Variants in PARVG observed in about 807,000 individuals in gnomAD.
The protein encoded by PARVG is parvin gamma.
PARVG carries 36 observed loss-of-function variants against 44.4 expected under a neutral mutation model. The observed-to-expected ratio is 0.81, with a 90% CI of 0.62 to 1.07. The LOEUF (loss-of-function observed/expected upper bound fraction) is 1.07. PARVG is among the 50% of genes least tolerant of loss of function. The pLI, the probability that PARVG is intolerant of heterozygous loss-of-function variation, is 0.00. For missense variants in PARVG, 407 were observed against 407.4 expected, an observed-to-expected ratio of 1.00 and a Z score of 0.01; for synonymous variants, 170 against 174.1, an observed-to-expected ratio of 0.98 and a Z score of 0.19.
chr22:44,200,286 C>T (rs543473195), intron 12 of PARVG, among the ~76,000 whole-genome samples: 5 of 152,238 alleles, frequency 3.3e-5, no homozygotes, highest in South Asian at 2.1e-4. Flanking sequence ...AGGCTTACCC[C>T]GGGTCACTGC....
chr22:44,174,558 C>CAA (rs202194271), intron 1 of PARVG, among the ~76,000 whole-genome samples: 4 of 146,216 alleles, frequency 2.7e-5, no homozygotes, highest in Non-Finnish European at 4.5e-5. Context: ...AACAAACAAA[C>CAA]AAAAAAAAAA....
upstream of PARVG, among the ~76,000 whole-genome samples, chr22:44,177,284 C>A (rs2054327944): frequency 6.6e-6 from 1 of 152,112 alleles, no homozygotes; most frequent in Non-Finnish European, 1.5e-5. Flanking sequence ...TCCTCTTCAC[C>A]TCTAAATACA....
chr22:44,188,987 C>A, intron 5 of PARVG, 127 bp from the exon 6 acceptor site: 1 of 1,312,046 alleles, frequency 7.6e-7, no homozygotes, highest in Non-Finnish European at 1.1e-6. Flanking sequence ...CGGTCCAACA[C>A]CAAGAATGGG....
chr22:44,176,838 A>G (rs973978986), upstream of PARVG, among the ~76,000 whole-genome samples: 3 of 152,204 alleles, frequency 2.0e-5, no homozygotes, highest in African/African-American at 7.2e-5. Flanking sequence ...GAGGCCTCAC[A>G]ATGATGGTGG....
chr22:44,206,278 C>T (rs908421318), intron 13 of PARVG, 39 bp from the exon 14 acceptor site: 2 of 1,491,780 alleles, frequency 1.3e-6, no homozygotes, highest in Non-Finnish European at 1.9e-6. Context: ...CACTGCCACC[C>T]AGGCCTGACT....
intron 7 of PARVG, among the ~76,000 whole-genome samples, chr22:44,191,534 A>G (rs2096912537): frequency 6.6e-6 from 1 of 150,992 alleles, no homozygotes; most frequent in Admixed American, 6.6e-5. Flanking sequence ...AGTAGCTGGG[A>G]CTACAGATTT....
intron 3 of PARVG, chr22:44,184,191 G>A (rs1262802841): frequency 6.6e-6 from 1 of 152,406 alleles, no homozygotes; most frequent in Admixed American, 6.5e-5. Flanking sequence ...ATGTCCCAGT[G>A]GGGAAGGGCT....
chr22:44,173,085 C>T (rs745941757), exon 1 of PARVG: 1 of 1,289,666 alleles, frequency 7.8e-7, no homozygotes, highest in South Asian at 1.2e-5. Context: ...TGGACAGGAG[C>T]TGGGGGAAGA....
At chr22:44,195,419 C>G (rs2054605075) in intron 9 of PARVG, among the ~76,000 whole-genome samples, 1 of 152,212 alleles carries the variant, frequency 6.6e-6, no homozygotes, top group African/African-American at 2.4e-5. Flanking sequence ...CAAACTCAGG[C>G]CAGTCTGTGT....
intron 12 of PARVG, among the ~76,000 whole-genome samples, chr22:44,204,991 G>A (rs2054760311): frequency 6.6e-6 from 1 of 152,184 alleles, no homozygotes; most frequent in African/African-American, 2.4e-5. Flanking sequence ...AAGGCACAGG[G>A]GAACTGTGGT....
At chr22:44,197,632 T>G (rs955387214) in intron 11 of PARVG, among the ~76,000 whole-genome samples, 2 of 152,014 alleles carry the variant, frequency 1.3e-5, no homozygotes, top group Non-Finnish European at 2.9e-5. Context: ...GGCCCTGGGG[T>G]CTGCTGAGAA....
At chr22:44,181,675 A>C in intron 1 of PARVG, 67 bp from the exon 2 acceptor site, 7 of 980,022 alleles carry the variant, frequency 7.1e-6, no homozygotes, top group Admixed American at 6.1e-5. Flanking sequence ...GGCTCCGGGC[A>C]GAGCTTTCTG....
At position 44,183,420 on chromosome 22, in the gene PARVG, C is replaced by T. The variant is rs369442521; in HGVS notation, c.79+12C>T. ...GGAGCTCTCAAAAGGTGTGTGCCCACGCAGGTCTGAGGGTGGAGGGTGAAG... is the reference window on the plus strand; with the variant it reads ...GGAGCTCTCAAAAGGTGTGTGCCCATGCAGGTCTGAGGGTGGAGGGTGAAG... On this transcript the variant is annotated intron_variant, in intron 3 of 13. Transcript: ENST00000444313. 2.7e-5 allele frequency: 43 copies of T among 1,586,606 alleles called. No individual in the cohort carries two copies. Among genetic ancestry groups the T allele is most frequent in the Middle Eastern group, 2.1e-4 (1 of 4,806 alleles).
Position 44,206,367 on chromosome 22 carries a change from T to C in PARVG, c.937T>C (p.Phe313Leu). ...CACACTGAGGGTGCTCTATGGTCTG[T>C]TCTGCAAGCACACGCAGAAGGCACA... ...KSTLRVLYGLFCKHTQKAHRD... is the reference protein window; with the variant it reads ...KSTLRVLYGLLCKHTQKAHRD... The change falls in exon 14 of 14, where the codon TTC becomes CTC. Residue 313 changes from phenylalanine to leucine, a missense_variant. Coordinates refer to ENST00000444313, the MANE Select transcript of PARVG (RefSeq NM_022141.7). 1 of 1,614,016 alleles carries C rather than the reference T, an allele frequency of 6.2e-7. No individual in the cohort carries two copies. Among genetic ancestry groups the C allele is most frequent in the South Asian group, 1.1e-5 (1 of 91,086 alleles).
chr22:44,173,207 T>C, intron 1 of PARVG: 4 of 1,232,512 alleles, frequency 3.2e-6, no homozygotes, highest in Non-Finnish European at 4.2e-6. Context: ...TAATAAAGGC[T>C]CATCTGCCCC....
intron 11 of PARVG, among the ~76,000 whole-genome samples, chr22:44,196,634 A>G (rs1181524127): frequency 1.3e-5 from 2 of 152,076 alleles, no homozygotes; most frequent in Non-Finnish European, 2.9e-5. Flanking sequence ...AACACTTCAC[A>G]AAGCTGGAGT....
upstream of PARVG, among the ~76,000 whole-genome samples, chr22:44,177,791 A>G (rs2054332896): frequency 1.3e-5 from 2 of 152,132 alleles, no homozygotes; most frequent in Admixed American, 1.3e-4. Flanking sequence ...ACTTAAGCCC[A>G]GGAGTTCAAA....
rs1294345359 is a variant in PARVG, at chr22:44,207,482, A to T, written c.*1056A>T. On this transcript the variant is annotated 3_prime_UTR_variant, in exon 14 of 14. Coordinates refer to ENST00000444313, the MANE Select transcript of PARVG (RefSeq NM_022141.7). ...GTGGGGAGGAGTGGGACTTGTGGGGAGGAGTGGGACTTGTGGGGAGGGGTG... is the reference window on the plus strand; with the variant it reads ...GTGGGGAGGAGTGGGACTTGTGGGGTGGAGTGGGACTTGTGGGGAGGGGTG... 1 of 91,066 alleles carries T rather than the reference A, an allele frequency of 1.1e-5. No homozygotes were observed. Among genetic ancestry groups the T allele is most frequent in the Non-Finnish European group, 2.3e-5 (1 of 44,408 alleles). The allele number at this position is 91,066 out of a possible 1,614,324, so 5.6% of individuals were successfully genotyped here.
intron 8 of PARVG, among the ~76,000 whole-genome samples, chr22:44,192,985 G>C (rs2054570434): frequency 6.6e-6 from 1 of 152,222 alleles, no homozygotes; most frequent in African/African-American, 2.4e-5. Context: ...TGGCCAGGTG[G>C]GGCTGCCATC....
Sources: allele counts gnomAD v4.1 joint callset (sites outside exome capture counted in the v4.1 genomes callset), GRCh38; gene constraint gnomAD v4.1.1; transcripts MANE v1.5; gene names NCBI Gene and HGNC (gene_info 2026-07-23, HGNC 2026-07-21).